ACOX1: variants seen among roughly 807,000 people sequenced by gnomAD.
ACOX1 encodes peroxisomal acyl-coenzyme A oxidase 1.
In ACOX1, 41 loss-of-function variants were observed where a neutral mutation model predicts 75.5. The observed-to-expected ratio is 0.54, with a 90% CI of 0.42 to 0.70. The LOEUF is 0.70. ACOX1 is among the 30% of genes least tolerant of loss of function. The pLI is 0.00. For missense variants in ACOX1, 630 were observed against 837.5 expected (o/e 0.75, Z 3.06); for synonymous variants, 303 against 298.8 (o/e 1.01, Z -0.15).
intron 8 of ACOX1, 149 bp from the exon 9 acceptor site, chr17:75,951,113 G>T: frequency 1.1e-6 from 1 of 918,132 alleles, no homozygotes; most frequent in Non-Finnish European, 1.7e-6. Context: ...CTGTCCGACT[G>T]GCCAGAAGAA....
At chr17:75,977,537 G>A (rs1213867001) in intron 2 of ACOX1, among the ~76,000 whole-genome samples, 1 of 152,094 alleles carries the variant, frequency 6.6e-6, no homozygotes, top group African/African-American at 2.4e-5. Context: ...CTGCACTGCA[G>A]CCTGGGCGAC....
At chr17:75,969,514 A>C (rs567434778) in intron 2 of ACOX1, among the ~76,000 whole-genome samples, 2 of 152,272 alleles carry the variant, frequency 1.3e-5, no homozygotes, top group South Asian at 4.1e-4. Flanking sequence ...ATATTGGTGA[A>C]ATTTAGCCCA....
Position 75,960,298 on chromosome 17 carries a change from G to C in ACOX1, c.347C>G (p.Thr116Ser). 1 of 1,614,236 alleles carries C rather than the reference G, an allele frequency of 6.2e-7. No individual in the cohort carries two copies. The highest frequency in any genetic ancestry group is 8.5e-7 in the Non-Finnish European group (1 of 1,180,052). The change falls in exon 3 of 14, where the codon ACT (threonine) becomes AGT (serine). Residue 116 changes from threonine (T) to serine (S), a missense_variant. This residue lies in a region of ACOX1 where 390 missense variants were observed against 574.9 expected (regional missense o/e 0.68). Coordinates refer to ENST00000293217, the MANE Select transcript of ACOX1 (RefSeq NM_004035.7). This position sits in a 1 kb window ranked among gnomAD's most constrained non-coding sequence, Gnocchi z 4.4. Reference sequence around the variant, plus strand: ...GAAGAAGCGCTCCTGCTGCTCCGCAGTTGCCTGGTGAAGCAAGGTGGGCAG... The same window carrying C: ...GAAGAAGCGCTCCTGCTGCTCCGCACTTGCCTGGTGAAGCAAGGTGGGCAG... ...MFLPTLLHQA[T>S]AEQQERFFMP...
intron 2 of ACOX1, among the ~76,000 whole-genome samples, chr17:75,974,823 GAGATCGAGACCATC>G (rs533226177): frequency 0.024 from 3,670 of 151,908 alleles, 73 homozygotes; most frequent in Middle Eastern, 0.044. Context: ...ACGAGGTCAG[GAGATCGAGACCATC>G]AGATCGAGAC....
At position 75,967,671 on chromosome 17, in the gene ACOX1, CAT is replaced by C. The variant is rs1555618949; in HGVS notation, c.270-7298_270-7297del. Among the ~76,000 whole-genome samples, 90 of 90,828 alleles carry C rather than the reference CAT, an allele frequency of 9.9e-4. 1 individual carries two copies. Among genetic ancestry groups the C allele is most frequent in the Non-Finnish European group, 1.4e-3 (68 of 49,924 alleles). 59.6% of individuals were successfully genotyped at this position (90,828 alleles called of 152,430 possible). On this transcript the variant is annotated intron_variant, in intron 2 of 13. Transcript: ENST00000293217. ...GTATATATATACATACATATATATACATATATATACGTATATATATACATACA... is the reference window on the plus strand; with the variant it reads ...GTATATATATACATACATATATATACATATATACGTATATATATACATACA...
chr17:75,962,297 T>A (rs976082482), intron 2 of ACOX1, among the ~76,000 whole-genome samples: 2 of 152,210 alleles, frequency 1.3e-5, no homozygotes, highest in African/African-American at 4.8e-5. Context: ...TCATTAATGA[T>A]AATAAACAGC....
intron 3 of ACOX1, among the ~76,000 whole-genome samples, chr17:75,958,226 G>A (rs2065851183): frequency 6.7e-6 from 1 of 150,176 alleles, no homozygotes; most frequent in African/African-American, 2.5e-5. Context: ...TGTGGCATGC[G>A]CCTGTAGTCC....
intron 2 of ACOX1, among the ~76,000 whole-genome samples, chr17:75,968,304 C>T (rs1339918417): frequency 1.4e-5 from 2 of 147,046 alleles, no homozygotes; most frequent in Non-Finnish European, 1.5e-5. Context: ...GGCGTAGTGG[C>T]GGGCGCCTGT....
chr17:75,948,781 C>T (rs1209590150), intron 12 of ACOX1, among the ~76,000 whole-genome samples: 2 of 151,336 alleles, frequency 1.3e-5, no homozygotes, highest in Non-Finnish European at 2.9e-5. Flanking sequence ...CTCGAACTCC[C>T]GACCTCAGGT....
chr17:75,962,016 T>C (rs1254773370), intron 2 of ACOX1, among the ~76,000 whole-genome samples: 1 of 152,158 alleles, frequency 6.6e-6, no homozygotes, highest in Non-Finnish European at 1.5e-5. Flanking sequence ...CAATAATGCT[T>C]CTAGGCTGGG....
chr17:75,953,689 G>A, intron 6 of ACOX1, 69 bp from the exon 7 acceptor site: 1 of 1,582,340 alleles, frequency 6.3e-7, no homozygotes, highest in Non-Finnish European at 8.7e-7. Flanking sequence ...GGTTCTCAAA[G>A]TGTGGTCCCT....
chr17:75,953,599 C>T lies in ACOX1; in HGVS notation c.796G>A (p.Val266Met), dbSNP rs145971170. Residue 266 changes from valine (V) to methionine (M), a missense_variant, in exon 7 of 14, where the codon GTG (valine) becomes ATG (methionine). By Grantham distance (21) the Val-to-Met change is conservative (BLOSUM62 1). Transcript: ENST00000293217. ...YAQVKPDGTYVKPLSNKLTYG... is the reference protein window; with the variant it reads ...YAQVKPDGTYMKPLSNKLTYG... ...GTCAGCTTGTTACTCAGCGGTTTCA[C>T]GTATGTGCCATCAGGCTTCACCTGG... 50 of 1,614,128 alleles carry T rather than the reference C, an allele frequency of 3.1e-5. No individual in the cohort carries two copies. In the African/African-American group the frequency reaches 4.4e-4, roughly 14 times the overall value.
chr17:75,960,786 T>C lies in ACOX1; in HGVS notation c.270-411A>G, dbSNP rs981320188. 6.6e-6 allele frequency among the ~76,000 whole-genome samples: 1 copy of C among 152,218 alleles called. No individual in the cohort carries two copies. Among genetic ancestry groups the C allele is most frequent in the East Asian group, 1.9e-4 (1 of 5,188 alleles). On this transcript the variant is annotated intron_variant, in intron 2 of 13. Transcript: ENST00000293217. This position sits in a 1 kb window ranked among gnomAD's most constrained non-coding sequence, Gnocchi z 4.4. ...TTAAGTCAGGAGTTCGAGACCAGCC[T>C]GGCCAACATGGCAAAGCCCTGACTC...
rs748619167 is a variant in ACOX1, at chr17:75,949,234, C to T, written c.1711G>A (p.Ala571Thr). 14 of 1,614,196 alleles carry T rather than the reference C, an allele frequency of 8.7e-6. No homozygotes were observed. The highest frequency in any genetic ancestry group is 4.5e-5 in the East Asian group (2 of 44,886). ...ATACTGACCTGAAGGAAATCCCCCGCGTTCTGACTGATTCCATACAGAGAA... is the reference window on the plus strand; with the variant it reads ...ATACTGACCTGAAGGAAATCCCCCGTGTTCTGACTGATTCCATACAGAGAA... ...LYSLYGISQNAGDFLQGSIMT... is the reference protein window; with the variant it reads ...LYSLYGISQNTGDFLQGSIMT... The change falls in exon 12 of 14, where the codon GCG (alanine) becomes ACG (threonine). Residue 571 changes from alanine (A) to threonine (T), a missense_variant. Coordinates refer to ENST00000293217, the MANE Select transcript of ACOX1 (RefSeq NM_004035.7).
chr17:75,967,607 T>C (rs2065943570), intron 2 of ACOX1, among the ~76,000 whole-genome samples: 1 of 141,896 alleles, frequency 7.0e-6, no homozygotes, highest in African/African-American at 2.7e-5. Context: ...GAAATATATA[T>C]ATATATACAT....
At chr17:75,957,406 A>T in intron 4 of ACOX1, 53 bp downstream of exon 4, 1 of 1,492,966 alleles carries the variant, frequency 6.7e-7, no homozygotes, top group Non-Finnish European at 9.3e-7. Context: ...TTCTAAGCAA[A>T]ATCTCATGAC....
chr17:75,971,256 A>C (rs1429839051), intron 2 of ACOX1, among the ~76,000 whole-genome samples: 2 of 150,662 alleles, frequency 1.3e-5, no homozygotes, highest in Non-Finnish European at 3.0e-5. Context: ...GCGCCATTGC[A>C]CTCCAGCCTG....
rs895154731 is a variant in ACOX1, at chr17:75,978,581, C to G, written c.222G>C (p.Met74Ile). 1.2e-6 allele frequency: 2 copies of G among 1,614,222 alleles called. No individual in the cohort carries two copies. Among genetic ancestry groups the G allele is most frequent in the Non-Finnish European group, 8.5e-7 (1 of 1,180,048 alleles). ...CAGGGTCAGCGATGCCAAACTCCCTCATCTTCTTCACCATGATGGCACTTT... is the reference window on the plus strand; with the variant it reads ...CAGGGTCAGCGATGCCAAACTCCCTGATCTTCTTCACCATGATGGCACTTT... ...VRKSAIMVKK[M>I]REFGIADPDE... Residue 74 changes from methionine (M) to isoleucine (I), a missense_variant, in exon 2 of 14, where the codon ATG becomes ATC. Physicochemically the swap from Met to Ile is conservative, Grantham distance 10. This residue lies in a region of ACOX1 where 390 missense variants were observed against 574.9 expected (regional missense o/e 0.68). Transcript: ENST00000293217. This position sits in a 1 kb window ranked among gnomAD's most constrained non-coding sequence, Gnocchi z 4.2.
chr17:75,956,913 CT>C lies in ACOX1; in HGVS notation c.538+545del, dbSNP rs2065829531. 6.3e-4 allele frequency among the ~76,000 whole-genome samples: 27 copies of C among 42,944 alleles called. 5 individuals are homozygous for C. The highest frequency in any genetic ancestry group is 1.8e-3 in the Admixed American group (5 of 2,754). The allele number at this position is 42,944 out of a possible 152,430, so 28.2% of individuals were successfully genotyped here. The stretch of plus-strand genomic sequence containing the variant: ...ATGTGCCGCTATGCCTGGCTTTCCT[CT>C]CTCTCTCTCTCTCTCTCTCTCTCTC... On this transcript the variant is annotated intron_variant, in intron 4 of 13. Transcript: ENST00000293217.
Sources: allele counts gnomAD v4.1 joint callset (sites outside exome capture counted in the v4.1 genomes callset), GRCh38; gene constraint gnomAD v4.1.1; regional missense constraint gnomAD v4.1.1; non-coding constraint Gnocchi (gnomAD v3.1); transcripts MANE v1.5; gene names NCBI Gene and HGNC (gene_info 2026-07-23, HGNC 2026-07-21).